Variants in NPSR1 observed in about 807,000 individuals in gnomAD.
The protein encoded by NPSR1 is neuropeptide S receptor.
A neutral mutation model predicts 46.9 loss-of-function variants in NPSR1; 48 were observed. The observed-to-expected ratio is 1.02, with a 90% CI of 0.81 to 1.30. The LOEUF (loss-of-function observed/expected upper bound fraction) is 1.30. Ranked by LOEUF, NPSR1 falls within the 50% of genes most tolerant of loss-of-function variation. The pLI is 0.00. For synonymous variants in NPSR1, 176 were observed against 168.1 expected (o/e 1.05, Z -0.36); for missense variants, 450 against 449.5 (o/e 1.00, Z -0.01).
At chr7:34,706,332 C>G (rs1464479219) in intron 2 of NPSR1, among the ~76,000 whole-genome samples, 1 of 150,574 alleles carries the variant, frequency 6.6e-6, no homozygotes, top group Non-Finnish European at 1.5e-5. Context: ...GATTACTTAC[C>G]ATTTATTTTA....
At chr7:34,770,851 G>C (rs1786648189) in intron 2 of NPSR1, among the ~76,000 whole-genome samples, 1 of 152,174 alleles carries the variant, frequency 6.6e-6, no homozygotes, top group Non-Finnish European at 1.5e-5. Flanking sequence ...TCAGTGTCTG[G>C]TTAGGTCATT....
chr7:34,751,035 G>A, intron 2 of NPSR1: 3 of 773,672 alleles, frequency 3.9e-6, no homozygotes, highest in Non-Finnish European at 7.2e-6. Context: ...TTGAGACTCA[G>A]GGTTGATGAG....
intron 6 of NPSR1, among the ~76,000 whole-genome samples, chr7:34,841,464 C>T (rs1029101680): frequency 5.3e-5 from 8 of 152,232 alleles, no homozygotes; most frequent in Non-Finnish European, 7.3e-5. Context: ...AGTCCCAAAT[C>T]GAATGGACGT....
chr7:34,781,092 T>C (rs757875242), intron 3 of NPSR1, among the ~76,000 whole-genome samples: 3 of 151,836 alleles, frequency 2.0e-5, no homozygotes, highest in South Asian at 4.1e-4. Context: ...AAGGAAAAAA[T>C]AGAGAAGGCA....
At chr7:34,838,879 G>T (rs752381732) in intron 6 of NPSR1, among the ~76,000 whole-genome samples, 5 of 152,154 alleles carry the variant, frequency 3.3e-5, no homozygotes, top group African/African-American at 4.8e-5. Context: ...AACATTTACT[G>T]CATGGGCAAG....
intron 2 of NPSR1, among the ~76,000 whole-genome samples, chr7:34,766,289 C>A (rs1379114848): frequency 6.6e-6 from 1 of 152,058 alleles, no homozygotes; most frequent in African/African-American, 2.4e-5. Context: ...AACTGCTGGG[C>A]AGTTTTTTAT....
At chr7:34,730,934 G>A (rs1784389724) in intron 2 of NPSR1, among the ~76,000 whole-genome samples, 1 of 152,090 alleles carries the variant, frequency 6.6e-6, no homozygotes. Flanking sequence ...GAGAGGAGAG[G>A]GGCAGGAGAG....
chr7:34,818,525 A>T (rs1789371556), intron 4 of NPSR1, among the ~76,000 whole-genome samples: 1 of 152,202 alleles, frequency 6.6e-6, no homozygotes, highest in Non-Finnish European at 1.5e-5. Flanking sequence ...TGCCATCCCC[A>T]TCAAGCTACC....
intron 2 of NPSR1, among the ~76,000 whole-genome samples, chr7:34,732,943 G>A (rs1784496083): frequency 6.6e-6 from 1 of 152,158 alleles, no homozygotes; most frequent in African/African-American, 2.4e-5. Flanking sequence ...TGACAAAGAA[G>A]AAAAATATTA....
intron 6 of NPSR1, among the ~76,000 whole-genome samples, chr7:34,844,218 G>A (rs1252380028): frequency 6.6e-6 from 1 of 152,152 alleles, no homozygotes; most frequent in Non-Finnish European, 1.5e-5. Flanking sequence ...AATGAGACGT[G>A]GTTATTGATT....
chr7:34,743,399 T>C (rs752819510), intron 2 of NPSR1, among the ~76,000 whole-genome samples: 17 of 152,058 alleles, frequency 1.1e-4, no homozygotes, highest in Non-Finnish European at 1.8e-4. Flanking sequence ...ATTTATTGAA[T>C]CAGGAGTCTT....
rs913092711 is a variant in NPSR1, at chr7:34,679,143, C to A, written c.148-5409C>A. On this transcript the variant is annotated intron_variant, in intron 1 of 8. Coordinates refer to ENST00000360581, the MANE Select transcript of NPSR1 (RefSeq NM_207172.2). Reference sequence around the variant, plus strand: ...AAAAGAGAATAACTGTTTCAAATTACTAGTGAACAAATTAAAATAAAAACA... The same window carrying A: ...AAAAGAGAATAACTGTTTCAAATTAATAGTGAACAAATTAAAATAAAAACA... Among the ~76,000 whole-genome samples, 4 of 152,052 alleles carry A rather than the reference C, an allele frequency of 2.6e-5. No individual in the cohort carries two copies. In the South Asian group the frequency reaches 8.3e-4, roughly 32 times the overall value.
At chr7:34,760,936 C>T (rs1260050160) in intron 2 of NPSR1, among the ~76,000 whole-genome samples, 1 of 152,192 alleles carries the variant, frequency 6.6e-6, no homozygotes, top group East Asian at 1.9e-4. Flanking sequence ...ACTTGACAGA[C>T]AGACTCAGCA....
chr7:34,782,205 A>G (rs62462894), intron 3 of NPSR1, among the ~76,000 whole-genome samples: 18,795 of 152,128 alleles, frequency 0.12, 1,458 homozygotes, highest in Non-Finnish European at 0.17. Flanking sequence ...TGTCATTACC[A>G]TTCTAATCCC....
chr7:34,854,953 T>C (rs1791017859), downstream of NPSR1, among the ~76,000 whole-genome samples: 2 of 152,160 alleles, frequency 1.3e-5, no homozygotes, highest in Non-Finnish European at 2.9e-5. Context: ...TCTGATCATG[T>C]TATAATTATG....
chr7:34,820,130 A>G (rs1789483455), intron 4 of NPSR1, among the ~76,000 whole-genome samples: 1 of 152,344 alleles, frequency 6.6e-6, no homozygotes, highest in Middle Eastern at 3.4e-3. Flanking sequence ...AAAAAACTAA[A>G]CAAAACAATA....
At chr7:34,675,251 T>C (rs929388970) in intron 1 of NPSR1, among the ~76,000 whole-genome samples, 1 of 152,218 alleles carries the variant, frequency 6.6e-6, no homozygotes, top group African/African-American at 2.4e-5. Context: ...ACTACATACA[T>C]TACAAACTCA....
chr7:34,737,030 T>C (rs946644447), intron 2 of NPSR1, among the ~76,000 whole-genome samples: 53 of 151,600 alleles, frequency 3.5e-4, no homozygotes, highest in African/African-American at 1.3e-3. Context: ...CACCTCCTCT[T>C]TCATCCTCTC....
intron 3 of NPSR1, among the ~76,000 whole-genome samples, chr7:34,782,991 A>C (rs1282915506): frequency 6.6e-6 from 1 of 152,196 alleles, no homozygotes; most frequent in East Asian, 1.9e-4. Context: ...AAATGAAATA[A>C]TAAATGCACT....
Sources: gnomAD v4.1 joint callset for allele counts (sites outside exome capture counted in the v4.1 genomes callset) on GRCh38, gnomAD v4.1.1 for gene constraint, MANE v1.5 for transcripts, NCBI Gene and HGNC (gene_info 2026-07-23, HGNC 2026-07-21) for gene names.